GPBP1L1: variants seen among roughly 807,000 people sequenced by gnomAD.
GPBP1L1 encodes GC-rich promoter binding protein 1 like 1.
Under a neutral mutation model 52.5 loss-of-function variants are expected in GPBP1L1, and 23 were observed. That is an observed-to-expected ratio of 0.44 (90% CI 0.32 to 0.62). GPBP1L1 has a LOEUF of 0.62. GPBP1L1 is among the 20% of genes least tolerant of loss of function. The pLI is 0.06. For missense variants in GPBP1L1, 596 were observed against 579.3 expected, an observed-to-expected ratio of 1.03 and a Z score of -0.30; for synonymous variants, 243 against 203.1, an observed-to-expected ratio of 1.20 and a Z score of -1.67.
intron 6 of GPBP1L1, among the ~76,000 whole-genome samples, chr1:45,644,550 T>C (rs1318125164): frequency 1.6e-5 from 2 of 122,530 alleles, no homozygotes; most frequent in African/African-American, 6.3e-5. Context: ...CTTATGGTGA[T>C]CACTGCATTT....
intron 4 of GPBP1L1, chr1:45,656,229 C>A (rs1644882874): frequency 6.6e-6 from 1 of 152,158 alleles, no homozygotes; most frequent in Non-Finnish European, 1.5e-5. Flanking sequence ...TGGAAGGAAG[C>A]AGTTTGAGAA....
At position 45,629,604 on chromosome 1, in the gene GPBP1L1, A is replaced by G; in HGVS notation, c.1244T>C (p.Leu415Pro). ...ENCLPLTEDE[L>P]KEFHMKTEQL... ...CTCTGTCTTCATGTGGAACTCTTTG[A>G]GCTCATCCTCTGTGAGGGGAAGGCA... is the stretch of plus-strand genomic sequence containing the variant. Residue 415 changes from leucine to proline, a missense_variant, in exon 12 of 13, where the codon CTC (leucine) becomes CCC (proline). By Grantham distance (98) the Leu-to-Pro change is moderately conservative. Coordinates refer to ENST00000355105, the MANE Select transcript of GPBP1L1 (RefSeq NM_021639.5). The G allele has an allele frequency of 6.2e-7, 1 of 1,612,554 alleles. No homozygotes were observed. The highest frequency in any genetic ancestry group is 8.5e-7 in the Non-Finnish European group (1 of 1,178,582).
chr1:45,669,370 C>T (rs1645047666), intron 2 of GPBP1L1, among the ~76,000 whole-genome samples: 1 of 152,228 alleles, frequency 6.6e-6, no homozygotes. Context: ...AGGTTGGTGT[C>T]AAACTCCTGG....
chr1:45,638,244 T>C (rs1644621188), intron 8 of GPBP1L1, among the ~76,000 whole-genome samples: 1 of 152,206 alleles, frequency 6.6e-6, no homozygotes, highest in Non-Finnish European at 1.5e-5. Flanking sequence ...TCCAACAGAC[T>C]TCCTCATCCA....
At chr1:45,687,183 C>T (rs1414939467), upstream of GPBP1L1, 3 of 152,270 alleles carry the variant, frequency 2.0e-5, no homozygotes, top group Non-Finnish European at 4.4e-5. Context: ...CCCTGGAGCG[C>T]AGGCGTCACT....
chr1:45,687,597 G>A (rs1437427862), upstream of GPBP1L1: 1 of 152,234 alleles, frequency 6.6e-6, no homozygotes, highest in Non-Finnish European at 1.5e-5. Context: ...CTTGCCCAAG[G>A]TCACATAGCC....
intron 6 of GPBP1L1, among the ~76,000 whole-genome samples, chr1:45,653,798 A>G (rs942043059): frequency 1.3e-5 from 2 of 149,986 alleles, no homozygotes; most frequent in African/African-American, 4.9e-5. Context: ...ACCTGGGTTC[A>G]CGTGATTCTC....
At chr1:45,630,109 C>A (rs1263270784) in intron 11 of GPBP1L1, among the ~76,000 whole-genome samples, 1 of 152,140 alleles carries the variant, frequency 6.6e-6, no homozygotes, top group Non-Finnish European at 1.5e-5. Context: ...CACTACCATG[C>A]CCAGCTACTT....
chr1:45,630,461 T>C, intron 11 of GPBP1L1, 21 bp downstream of exon 11: 1 of 1,612,986 alleles, frequency 6.2e-7, no homozygotes, highest in Non-Finnish European at 8.5e-7. Flanking sequence ...CTGCATGCCC[T>C]GTGATGTCCT....
intron 8 of GPBP1L1, among the ~76,000 whole-genome samples, chr1:45,636,481 CA>C (rs1644596215): frequency 6.6e-6 from 1 of 152,210 alleles, no homozygotes; most frequent in African/African-American, 2.4e-5. Context: ...AGGCCTCCAT[CA>C]AGTCTGACTT....
intron 2 of GPBP1L1, among the ~76,000 whole-genome samples, chr1:45,664,983 G>A (rs1230718245): frequency 6.6e-6 from 1 of 151,548 alleles, no homozygotes; most frequent in African/African-American, 2.4e-5. Flanking sequence ...TGGCCTCATA[G>A]AACTGTTAAA....
intron 4 of GPBP1L1, among the ~76,000 whole-genome samples, chr1:45,657,829 G>A (rs981331930): frequency 6.6e-6 from 1 of 152,024 alleles, no homozygotes; most frequent in African/African-American, 2.4e-5. Context: ...CTCCAGCCTC[G>A]GTGACAGAGA....
chr1:45,682,781 T>C (rs1645226600), intron 2 of GPBP1L1, among the ~76,000 whole-genome samples: 1 of 152,220 alleles, frequency 6.6e-6, no homozygotes, highest in Non-Finnish European at 1.5e-5. Flanking sequence ...ATTAGAAATA[T>C]ATCTACCTCA....
chr1:45,628,811 A>C (rs1644491796), intron 12 of GPBP1L1, among the ~76,000 whole-genome samples: 2 of 152,052 alleles, frequency 1.3e-5, no homozygotes, highest in Admixed American at 1.3e-4. Flanking sequence ...TTACAGGCGC[A>C]CACCACCACG....
At position 45,627,496 on chromosome 1, in the gene GPBP1L1, G is replaced by C. The variant is rs1196396400; in HGVS notation, c.*760C>G. ...CTTCTTACACAAGACAATCCAAACTGATGCAAAATATTTATTCCAAGTTAG... is the reference window on the plus strand; with the variant it reads ...CTTCTTACACAAGACAATCCAAACTCATGCAAAATATTTATTCCAAGTTAG... On this transcript the variant is annotated 3_prime_UTR_variant, in exon 13 of 13. Coordinates refer to ENST00000355105, the MANE Select transcript of GPBP1L1 (RefSeq NM_021639.5). The C allele has an allele frequency of 6.6e-6, 1 of 152,464 alleles. No individual in the cohort carries two copies. The highest frequency in any genetic ancestry group is 1.5e-5 in the Non-Finnish European group (1 of 68,002). The allele number at this position is 152,464 out of a possible 1,614,324, so 9.4% of individuals were successfully genotyped here.
intron 2 of GPBP1L1, among the ~76,000 whole-genome samples, chr1:45,670,438 A>C (rs748286475): frequency 3.3e-5 from 5 of 152,264 alleles, no homozygotes; most frequent in Non-Finnish European, 7.4e-5. Context: ...ACACGTTCTT[A>C]ATTTAGATGC....
rs375802976 is a variant in GPBP1L1 at position 45,657,341 on chromosome 1, C to A, written c.60+1687G>T. Among the ~76,000 whole-genome samples, 4 of 152,050 alleles carry A rather than the reference C, an allele frequency of 2.6e-5. No homozygotes were observed. The East Asian group carries it at 5.8e-4, about 22-fold the overall frequency. The stretch of plus-strand genomic sequence containing the variant: ...TTGAGCCCAGGATTTCAAGACCAGC[C>A]GGGTAACATGGCAAAACCCTGTCTT... On this transcript the variant is annotated intron_variant, in intron 4 of 12. Transcript: ENST00000355105.
intron 3 of GPBP1L1, among the ~76,000 whole-genome samples, chr1:45,659,681 C>T (rs1644925653): frequency 6.6e-6 from 1 of 152,190 alleles, no homozygotes. Flanking sequence ...CGGTGGCTCA[C>T]ACCTGTAATC....
At chr1:45,654,910 AC>A (rs1315255473) in intron 5 of GPBP1L1, 81 bp from the exon 6 acceptor site, 167 of 1,339,822 alleles carry the variant, frequency 1.2e-4, no homozygotes, top group Middle Eastern at 5.8e-4. Context: ...CCTTCAGGAG[AC>A]CTCGTTAATA....
Sources: gnomAD v4.1 joint callset for allele counts (sites outside exome capture counted in the v4.1 genomes callset) on GRCh38, gnomAD v4.1.1 for gene constraint, MANE v1.5 for transcripts, NCBI Gene and HGNC (gene_info 2026-07-23, HGNC 2026-07-21) for gene names.